DNAJC1: variants seen among roughly 807,000 people sequenced by gnomAD.
The protein encoded by DNAJC1 is DnaJ heat shock protein family (Hsp40) member C1, also known as dnaJ homolog subfamily C member 1.
In DNAJC1, 58 loss-of-function variants were observed where a neutral mutation model predicts 76.6. That is an observed-to-expected ratio of 0.76 (90% CI 0.61 to 0.94). The LOEUF is 0.94. Ranked by LOEUF, DNAJC1 falls within the 40% of genes least tolerant of loss-of-function variation. The pLI is 0.00. For missense variants in DNAJC1, 689 were observed against 677.3 expected (o/e 1.02, Z -0.19); for synonymous variants, 258 against 267.9 (o/e 0.96, Z 0.36).
chr10:21,868,582 C>T (rs1303461529), intron 8 of DNAJC1, among the ~76,000 whole-genome samples: 1 of 152,036 alleles, frequency 6.6e-6, no homozygotes, highest in African/African-American at 2.4e-5. Flanking sequence ...AGGTCACATA[C>T]TGAATGATTC....
At chr10:21,890,421 C>CAAAAAA (rs1007952107) in intron 7 of DNAJC1, among the ~76,000 whole-genome samples, 2 of 52,680 alleles carry the variant, frequency 3.8e-5, no homozygotes, top group Admixed American at 2.3e-4. Flanking sequence ...TCCCCCCCTA[C>CAAAAAA]AAAAAAAAAA....
At chr10:21,762,088 G>A (rs1834247792) in intron 10 of DNAJC1, among the ~76,000 whole-genome samples, 1 of 151,936 alleles carries the variant, frequency 6.6e-6, no homozygotes, top group Admixed American at 6.6e-5. Flanking sequence ...ACAGGCACGC[G>A]CCACCATGCC....
intron 7 of DNAJC1, among the ~76,000 whole-genome samples, chr10:21,892,485 A>C (rs1198285413): frequency 2.0e-5 from 3 of 152,012 alleles, no homozygotes; most frequent in Non-Finnish European, 2.9e-5. Flanking sequence ...AGAAAATAAA[A>C]AATAAAATGG....
At chr10:21,782,872 A>C (rs1834551463) in intron 9 of DNAJC1, among the ~76,000 whole-genome samples, 1 of 152,228 alleles carries the variant, frequency 6.6e-6, no homozygotes, top group Non-Finnish European at 1.5e-5. Context: ...AAAAACTCTC[A>C]ATAAATTAGG....
chr10:21,804,008 T>C (rs922024020), intron 9 of DNAJC1: 5 of 981,438 alleles, frequency 5.1e-6, no homozygotes, highest in Non-Finnish European at 3.6e-6. Context: ...AAAGGAGACA[T>C]ATGGGATGAA....
At chr10:21,798,268 C>T (rs976969156) in intron 9 of DNAJC1, among the ~76,000 whole-genome samples, 5 of 152,300 alleles carry the variant, frequency 3.3e-5, no homozygotes, top group Middle Eastern at 3.4e-3. Context: ...TCTTACCTGG[C>T]CTTCCTTCCT....
At chr10:21,868,777 A>T (rs537177540) in intron 8 of DNAJC1, among the ~76,000 whole-genome samples, 1 of 152,142 alleles carries the variant, frequency 6.6e-6, no homozygotes, top group East Asian at 1.9e-4. Context: ...AAGGGATCCC[A>T]AAGAAAACTT....
intron 1 of DNAJC1, among the ~76,000 whole-genome samples, chr10:21,952,195 G>A (rs548166069): frequency 6.8e-4 from 103 of 152,268 alleles, no homozygotes; most frequent in African/African-American, 2.4e-3. Flanking sequence ...TCATGAAACT[G>A]AAAATAAGTA....
intron 1 of DNAJC1, among the ~76,000 whole-genome samples, chr10:21,950,429 G>T (rs1289019989): frequency 6.6e-6 from 1 of 152,000 alleles, no homozygotes; most frequent in Non-Finnish European, 1.5e-5. Context: ...CCGACGACCA[G>T]CTGTACCCCC....
chr10:21,994,400 A>G (rs1334454934), intron 1 of DNAJC1, among the ~76,000 whole-genome samples: 1 of 152,204 alleles, frequency 6.6e-6, no homozygotes, highest in African/African-American at 2.4e-5. Flanking sequence ...CGTGTGATAT[A>G]AAAAGTCACT....
In DNAJC1 at chr10:21,759,183, G is replaced by A. The variant is rs776269885; in HGVS notation, c.1583C>T (p.Pro528Leu). 22 of 1,613,144 alleles carry A rather than the reference G, an allele frequency of 1.4e-5. No homozygotes were observed. Among genetic ancestry groups the A allele is most frequent in the Middle Eastern group, 1.6e-4 (1 of 6,078 alleles). Residue 528 changes from proline (P) to leucine (L), a missense_variant, in exon 11 of 12, where the codon CCG becomes CTG. Pro to Leu is a moderately conservative substitution (Grantham distance 98). Coordinates refer to ENST00000376980, the MANE Select transcript of DNAJC1 (RefSeq NM_022365.4). ...CCCATCACTCACCTTGCTCTTGGAC[G>A]GGACACATCTGGCTATTTTGTCCCA... ...DRWDKIARCV[P>L]SKSKEDCIAR...
chr10:21,990,920 C>T (rs1838317846), intron 1 of DNAJC1, among the ~76,000 whole-genome samples: 2 of 151,998 alleles, frequency 1.3e-5, no homozygotes, highest in African/African-American at 4.8e-5. Flanking sequence ...GCAAAAAGAT[C>T]GTTAATTAAT....
chr10:21,982,574 C>CA (rs1838174426), intron 1 of DNAJC1, among the ~76,000 whole-genome samples: 1 of 151,850 alleles, frequency 6.6e-6, no homozygotes. Context: ...TAAAAGTGGA[C>CA]AAAGGACTTC....
chr10:21,840,500 C>T (rs2131678691), intron 8 of DNAJC1, among the ~76,000 whole-genome samples: 1 of 152,260 alleles, frequency 6.6e-6, no homozygotes, highest in East Asian at 1.9e-4. Flanking sequence ...ATCCCATTCA[C>T]AATTGCTTCA....
At chr10:21,781,452 T>C (rs1331744655) in intron 9 of DNAJC1, among the ~76,000 whole-genome samples, 1 of 152,152 alleles carries the variant, frequency 6.6e-6, no homozygotes, top group Non-Finnish European at 1.5e-5. Context: ...CCGGGCGCGG[T>C]GGCTCACGCC....
intron 1 of DNAJC1, among the ~76,000 whole-genome samples, chr10:21,989,569 T>G (rs2131845577): frequency 6.6e-6 from 1 of 152,132 alleles, no homozygotes; most frequent in African/African-American, 2.4e-5. Flanking sequence ...GCTTGCTGCT[T>G]GAAATCAGGG....
chr10:21,790,895 A>T (rs1207661673), intron 9 of DNAJC1, among the ~76,000 whole-genome samples: 1 of 152,214 alleles, frequency 6.6e-6, no homozygotes, highest in Non-Finnish European at 1.5e-5. Context: ...GAATATGAAC[A>T]GATTAAATTC....
intron 1 of DNAJC1, among the ~76,000 whole-genome samples, chr10:21,992,136 C>T (rs1838334170): frequency 6.6e-6 from 1 of 152,104 alleles, no homozygotes; most frequent in African/African-American, 2.4e-5. Flanking sequence ...TATGGTGAAA[C>T]CCCGTCTCTA....
At chr10:21,887,183 G>A (rs1404937220) in intron 7 of DNAJC1, among the ~76,000 whole-genome samples, 2 of 152,010 alleles carry the variant, frequency 1.3e-5, no homozygotes, top group Non-Finnish European at 2.9e-5. Context: ...AGCCAACCAG[G>A]GAGGTGAAAG....
Sources: gnomAD v4.1 joint callset for allele counts (sites outside exome capture counted in the v4.1 genomes callset) on GRCh38, gnomAD v4.1.1 for gene constraint, MANE v1.5 for transcripts, NCBI Gene and HGNC (gene_info 2026-07-23, HGNC 2026-07-21) for gene names.